The following RGS7 variants were observed in gnomAD, a reference collection of about 807,000 sequenced individuals.
RGS7 encodes the protein regulator of G-protein signaling 7.
RGS7 carries 27 observed loss-of-function variants against 81.1 expected under a neutral mutation model. The ratio of observed to expected loss-of-function variants is 0.33; its 90% CI spans 0.25 to 0.46. The LOEUF (loss-of-function observed/expected upper bound fraction) is 0.46. Ranked by LOEUF, RGS7 falls within the 20% of genes least tolerant of loss-of-function variation. The pLI, the probability that RGS7 is intolerant of heterozygous loss-of-function variation, is 1.00. For synonymous variants in RGS7, 208 were observed against 207.7 expected (o/e 1.00, Z -0.01); for missense variants, 396 against 607.4 (o/e 0.65, Z 3.66).
intron 2 of RGS7, among the ~76,000 whole-genome samples, chr1:241,145,791 T>A (rs1017982944): frequency 6.6e-6 from 1 of 152,112 alleles, no homozygotes; most frequent in East Asian, 1.9e-4. Context: ...CAAAAATAAA[T>A]ATTCTGTGAT....
In RGS7 at chr1:240,841,776, G is replaced by A. The variant is rs747293267; in HGVS notation, c.610-14604C>T. Among the ~76,000 whole-genome samples the A allele has an allele frequency of 8.7e-4, 133 of 152,126 alleles. 1 individual carries two copies. Among genetic ancestry groups the A allele is most frequent in the Admixed American group, 1.5e-3 (23 of 15,278 alleles). On this transcript the variant is annotated intron_variant, in intron 9 of 18. Transcript: ENST00000440928. Reference sequence around the variant, plus strand: ...GACAAGAGTCATTCAACCTTAGCTCGAATGCTTGTTGCCTCCTTTCCCCTA... The same window carrying A: ...GACAAGAGTCATTCAACCTTAGCTCAAATGCTTGTTGCCTCCTTTCCCCTA...
chr1:241,025,673 T>C (rs1009691381), intron 3 of RGS7, among the ~76,000 whole-genome samples: 1 of 149,826 alleles, frequency 6.7e-6, no homozygotes, highest in Non-Finnish European at 1.5e-5. Context: ...ATGAAACATG[T>C]ACAAAAATGG....
At chr1:241,292,430 G>C (rs1183817827) in intron 2 of RGS7, among the ~76,000 whole-genome samples, 1 of 152,176 alleles carries the variant, frequency 6.6e-6, no homozygotes, top group African/African-American at 2.4e-5. Flanking sequence ...CCGGGAAAGG[G>C]ACACAATCTC....
At position 240,806,143 on chromosome 1, in the gene RGS7, A is replaced by C. The variant is rs1688808608; in HGVS notation, c.1266T>G (p.Ala422=). The C allele has an allele frequency of 1.2e-6, 2 of 1,613,348 alleles. No individual in the cohort carries two copies. Among genetic ancestry groups the C allele is most frequent in the Non-Finnish European group, 1.7e-6 (2 of 1,179,742 alleles). Residue 422 remains alanine (A), a synonymous_variant, in exon 15 of 19, where the codon GCT becomes GCG. Coordinates refer to ENST00000440928, the MANE Select transcript of RGS7 (RefSeq NM_001364886.1). ...GTGAGGCTCACCGTACACCCACCTG[A>C]GCATCTTCAAATGTGTATCGTCCAG... is the stretch of plus-strand genomic sequence containing the variant. The part of the protein sequence containing the change: ...KEPGRYTFED[A]QEHIYKLMKS...
chr1:240,978,166 G>A (rs2148539441), intron 4 of RGS7, among the ~76,000 whole-genome samples: 1 of 152,286 alleles, frequency 6.6e-6, no homozygotes, highest in Non-Finnish European at 1.5e-5. Flanking sequence ...AGTAATCTAA[G>A]GAGAATCCAT....
intron 2 of RGS7, among the ~76,000 whole-genome samples, chr1:241,296,034 G>C (rs1296751332): frequency 6.6e-6 from 1 of 152,176 alleles, no homozygotes; most frequent in Non-Finnish European, 1.5e-5. Flanking sequence ...AAGTGTCCAT[G>C]GAGTATCTTG....
chr1:241,300,146 T>A (rs547694430), intron 2 of RGS7, among the ~76,000 whole-genome samples: 9 of 152,018 alleles, frequency 5.9e-5, no homozygotes, highest in African/African-American at 1.7e-4. Context: ...TGGGCAGTTT[T>A]AGGTTCACAG....
chr1:241,132,138 T>C (rs571883007), intron 2 of RGS7: 75 of 153,278 alleles, frequency 4.9e-4, no homozygotes, highest in African/African-American at 1.8e-3. Context: ...CACAATTTAA[T>C]CCTCTTTGAA....
Position 241,036,359 on chromosome 1 carries a change from T to A in RGS7, c.176-53230A>T, listed in dbSNP as rs2060326994. ...ATTATCAAATATTTCTACAAAATATTATTGATTTATAACAGATTTTATTCA... is the reference window on the plus strand; with the variant it reads ...ATTATCAAATATTTCTACAAAATATAATTGATTTATAACAGATTTTATTCA... On this transcript the variant is annotated intron_variant, in intron 3 of 18. Coordinates refer to ENST00000440928, the MANE Select transcript of RGS7 (RefSeq NM_001364886.1). Among the ~76,000 whole-genome samples, 8 of 152,330 alleles carry A rather than the reference T, an allele frequency of 5.3e-5. No individual in the cohort carries two copies. The South Asian group carries it at 1.7e-3, about 32-fold the overall frequency.
intron 4 of RGS7, among the ~76,000 whole-genome samples, chr1:240,974,933 T>C (rs1031240900): frequency 6.6e-6 from 1 of 151,778 alleles, no homozygotes; most frequent in Non-Finnish European, 1.5e-5. Context: ...GAGAAATTAA[T>C]TTGCCCAATG....
rs564087847 is a variant in RGS7, at chr1:241,179,717, A to G, written c.79-80955T>C. On this transcript the variant is annotated intron_variant, in intron 2 of 18. Coordinates refer to ENST00000440928, the MANE Select transcript of RGS7 (RefSeq NM_001364886.1). ...TCAGTCTAAAAAGCCTATTAGTCCA[A>G]TTCTCCACAAAATTCCATGAAAATA... Among the ~76,000 whole-genome samples the G allele has an allele frequency of 3.6e-4, 55 of 152,322 alleles. 1 individual carries two copies. In the South Asian group the frequency reaches 0.011, roughly 31 times the overall value.
intron 2 of RGS7, among the ~76,000 whole-genome samples, chr1:241,330,940 AC>A (rs1483843985): frequency 1.3e-5 from 2 of 152,032 alleles, no homozygotes; most frequent in Non-Finnish European, 2.9e-5. Context: ...ATTTTTAAAA[AC>A]CCTGTTTGTA....
intron 4 of RGS7, among the ~76,000 whole-genome samples, chr1:240,954,417 C>T (rs1680022871): frequency 6.6e-6 from 1 of 152,080 alleles, no homozygotes; most frequent in Non-Finnish European, 1.5e-5. Flanking sequence ...GGACTTATTG[C>T]ACATATGCAA....
chr1:241,060,933 G>C (rs1048470163), intron 3 of RGS7, among the ~76,000 whole-genome samples: 1 of 152,210 alleles, frequency 6.6e-6, no homozygotes, highest in Non-Finnish European at 1.5e-5. Context: ...AAAACTCTAA[G>C]AATGGTCTCT....
intron 6 of RGS7, among the ~76,000 whole-genome samples, chr1:240,875,011 C>T (rs142342917): frequency 0.016 from 2,502 of 152,162 alleles, 26 homozygotes; most frequent in Non-Finnish European, 0.023. Context: ...CATTGCACTC[C>T]AGCCTGGGTG....
intron 3 of RGS7, among the ~76,000 whole-genome samples, chr1:241,090,583 T>C (rs2148928011): frequency 6.6e-6 from 1 of 152,286 alleles, no homozygotes; most frequent in South Asian, 2.1e-4. Context: ...TAGAGTGAGA[T>C]TTCCATTGAT....
rs1035309540 is a variant in RGS7 at position 241,348,005 on chromosome 1, G to A, written c.78+7694C>T. On this transcript the variant is annotated intron_variant, in intron 2 of 18. Coordinates refer to ENST00000440928, the MANE Select transcript of RGS7 (RefSeq NM_001364886.1). ...TCTTGTCTTGGACTTGATGCTATTT[G>A]TTCAAAGTCCTTTACTTCCTGCCAC... 2.0e-5 allele frequency among the ~76,000 whole-genome samples: 3 copies of A among 152,056 alleles called. No individual in the cohort carries two copies. In the East Asian group the frequency reaches 5.8e-4, roughly 29 times the overall value.
At chr1:241,303,149 G>A (rs183857949) in intron 2 of RGS7, among the ~76,000 whole-genome samples, 4 of 145,734 alleles carry the variant, frequency 2.7e-5, no homozygotes, top group African/African-American at 9.7e-5. Context: ...CCTGCCCAAA[G>A]TTCATGTCAA....
chr1:240,856,093 T>C (rs1181877933), intron 9 of RGS7, among the ~76,000 whole-genome samples: 9 of 152,160 alleles, frequency 5.9e-5, no homozygotes, highest in Non-Finnish European at 1.2e-4. Flanking sequence ...AATTTATTTA[T>C]CTTGCTCCAA....
Sources: allele counts gnomAD v4.1 joint callset (sites outside exome capture counted in the v4.1 genomes callset), GRCh38; gene constraint gnomAD v4.1.1; transcripts MANE v1.5; gene names NCBI Gene and HGNC (gene_info 2026-07-23, HGNC 2026-07-21).